The following KDM5C variants were observed in gnomAD, a reference collection of about 807,000 sequenced individuals.
The protein encoded by KDM5C is lysine demethylase 5C.
A neutral mutation model predicts 110.6 loss-of-function variants in KDM5C; 16 were observed. The ratio of observed to expected loss-of-function variants is 0.14; its 90% confidence interval spans 0.10 to 0.22. The LOEUF (loss-of-function observed/expected upper bound fraction) is 0.22. KDM5C is among the 10% of genes least tolerant of loss of function. KDM5C has a pLI of 1.00. For synonymous variants in KDM5C, 511 were observed against 520.4 expected (o/e 0.98, Z 0.24); for missense variants, 681 against 1,300.9 (o/e 0.52, Z 7.33).
chrX:53,224,527 G>C (rs931890061), intron 1 of KDM5C, among the ~76,000 whole-genome samples: 1 of 111,361 alleles, frequency 9.0e-6, no homozygotes, highest in Non-Finnish European at 1.9e-5. Context: ...GGGCCGGGGT[G>C]GGGGTGGATC....
At chrX:53,223,557 C>T (rs2073951869) in intron 1 of KDM5C, among the ~76,000 whole-genome samples, 1 of 111,746 alleles carries the variant, frequency 8.9e-6, no homozygotes, top group Non-Finnish European at 1.9e-5. Context: ...CACTCAAAAA[C>T]ACCCTTTTCC....
chrX:53,178,626 G>A (rs1191615853), intron 25 of KDM5C, among the ~76,000 whole-genome samples: 1 of 112,037 alleles, frequency 8.9e-6, no homozygotes, highest in Non-Finnish European at 1.9e-5. Flanking sequence ...AACTCAAAGT[G>A]GATCATACAC....
At chrX:53,216,334 C>CA (rs2146941821) in intron 5 of KDM5C, 137 bp from the exon 6 acceptor site, 1 of 928,571 alleles carries the variant, frequency 1.1e-6, no homozygotes, top group Non-Finnish European at 1.5e-6. Flanking sequence ...GCCAAGAACT[C>CA]AGAGTTGCTT....
At chrX:53,180,621 G>A (rs1200519957) in intron 25 of KDM5C, among the ~76,000 whole-genome samples, 2 of 109,267 alleles carry the variant, frequency 1.8e-5, no homozygotes, top group Non-Finnish European at 3.8e-5. Context: ...TAAGGGCAGT[G>A]GTGTGATTTC....
At chrX:53,195,457 T>C (rs367707268) in intron 20 of KDM5C, 47 bp from the exon 21 acceptor site, 12 of 1,097,645 alleles carry the variant, frequency 1.1e-5, no homozygotes, top group African/African-American at 1.8e-5. Context: ...GCCAATGCTA[T>C]TGATGCTTAC....
intron 8 of KDM5C, among the ~76,000 whole-genome samples, chrX:53,213,302 G>C (rs1314688208): frequency 8.9e-6 from 1 of 111,747 alleles, no homozygotes; most frequent in African/African-American, 3.3e-5. Flanking sequence ...TCCCCAACTA[G>C]AATCTCCACC....
At chrX:53,219,932 T>C (rs141945503) in intron 2 of KDM5C, among the ~76,000 whole-genome samples, 7,457 of 112,042 alleles carry the variant, frequency 0.067, 600 homozygotes, top group African/African-American at 0.23. Flanking sequence ...GGGGTCTTGC[T>C]ATGTTGCCCA....
chrX:53,192,919 G>A lies in KDM5C; in HGVS notation c.*48C>T. 1.0e-6 allele frequency: 1 copy of A among 989,368 alleles called. No homozygotes were observed. Among genetic ancestry groups the A allele is most frequent in the Non-Finnish European group, 1.3e-6 (1 of 766,870 alleles). The allele number at this position is 989,368 out of a possible 1,213,427, so 81.5% of individuals were successfully genotyped here. A position where few individuals can be genotyped will look rare whatever the true frequency, so the allele number is the denominator to read the frequency against. ...CTTGATGGTCAGAAAGAGGATCCTTGAGGCCGAGGGGGGTCTCTGTCAGGG... is the reference window on the plus strand; with the variant it reads ...CTTGATGGTCAGAAAGAGGATCCTTAAGGCCGAGGGGGGTCTCTGTCAGGG... On this transcript the variant is annotated 3_prime_UTR_variant, in exon 26 of 26. Transcript: ENST00000375401.
chrX:53,202,620 T>A (rs781878087), intron 12 of KDM5C: 1 of 112,826 alleles, frequency 8.9e-6, no homozygotes, highest in Non-Finnish European at 1.9e-5. Context: ...CCTCCCTGGA[T>A]CATCACTCTC....
chrX:53,190,030 C>T (rs961074109), downstream of KDM5C, among the ~76,000 whole-genome samples: 1 of 112,409 alleles, frequency 8.9e-6, no homozygotes, highest in African/African-American at 3.2e-5. Context: ...TGGGAGGACT[C>T]GGCAGCTAGG....
At chrX:53,196,550 A>G in intron 19 of KDM5C, 136 bp downstream of exon 19, 1 of 548,978 alleles carries the variant, frequency 1.8e-6, no homozygotes, top group Non-Finnish European at 3.1e-6. Context: ...CAAGATAGAC[A>G]ACAAAAGAGG....
At chrX:53,216,713 G>A (rs1022608776) in intron 5 of KDM5C, among the ~76,000 whole-genome samples, 2 of 111,929 alleles carry the variant, frequency 1.8e-5, no homozygotes, top group Admixed American at 9.5e-5. Context: ...GCTGAGGTGA[G>A]AGGATCACTC....
At chrX:53,220,218 C>T (rs1460520278) in intron 2 of KDM5C, among the ~76,000 whole-genome samples, 1 of 111,642 alleles carries the variant, frequency 9.0e-6, no homozygotes, top group Non-Finnish European at 1.9e-5. Context: ...GGAACCTAAT[C>T]TCACTACCCC....
chrX:53,216,306 G>A, intron 5 of KDM5C, 109 bp from the exon 6 acceptor site: 6 of 1,092,058 alleles, frequency 5.5e-6, no homozygotes, highest in Non-Finnish European at 7.5e-6. Context: ...GCTGAGGGCT[G>A]AGGCACAGAT....
At chrX:53,184,360 C>T (rs1387526085) in intron 25 of KDM5C, among the ~76,000 whole-genome samples, 1 of 111,490 alleles carries the variant, frequency 9.0e-6, no homozygotes, top group Non-Finnish European at 1.9e-5. Context: ...CTTCCTCAGC[C>T]TCCCGTGTAG....
chrX:53,204,841 C>T (rs1274181143), intron 12 of KDM5C, among the ~76,000 whole-genome samples: 1 of 111,845 alleles, frequency 8.9e-6, no homozygotes, highest in Non-Finnish European at 1.9e-5. Context: ...ATTTTCACCC[C>T]ATCCATCTTT....
intron 12 of KDM5C, among the ~76,000 whole-genome samples, chrX:53,203,685 TTG>T (rs1410863765): frequency 9.0e-6 from 1 of 111,510 alleles, no homozygotes; most frequent in Non-Finnish European, 1.9e-5. Context: ...TGCCTTTCTT[TTG>T]AAGTTTATTT....
intron 12 of KDM5C, among the ~76,000 whole-genome samples, chrX:53,204,238 CTTTTTTTTTT>C (rs10604955): frequency 2.1e-4 from 13 of 60,789 alleles, no homozygotes; most frequent in Non-Finnish European, 2.1e-4. Context: ...AAAGAAAATC[CTTTTTTTTTT>C]TTTTTTTTTT....
At chrX:53,220,467 T>C (rs2073866123) in intron 2 of KDM5C, among the ~76,000 whole-genome samples, 1 of 112,315 alleles carries the variant, frequency 8.9e-6, no homozygotes, top group Non-Finnish European at 1.9e-5. Flanking sequence ...ATTGGATATA[T>C]GAAGCCACAT....
Sources: gnomAD v4.1 joint callset for allele counts (sites outside exome capture counted in the v4.1 genomes callset) on GRCh38, gnomAD v4.1.1 for gene constraint, MANE v1.5 for transcripts, NCBI Gene and HGNC (gene_info 2026-07-23, HGNC 2026-07-21) for gene names.